The following GALNTL6 variants were observed in gnomAD, a reference collection of about 807,000 sequenced individuals.
GALNTL6 encodes polypeptide N-acetylgalactosaminyltransferase-like 6.
GALNTL6 carries 46 observed loss-of-function variants against 73.7 expected under a neutral mutation model. The observed-to-expected ratio is 0.62, with a 90% confidence interval of 0.49 to 0.80. The LOEUF (loss-of-function observed/expected upper bound fraction) is 0.80. Ranked by LOEUF, GALNTL6 falls within the 30% of genes least tolerant of loss-of-function variation. The probability of loss-of-function intolerance (pLI) is 0.00; values close to 1 mark genes in which losing one functional copy is unlikely to be tolerated. For missense variants in GALNTL6, 604 were observed against 755.0 expected (o/e 0.80, Z 2.34); for synonymous variants, 259 against 263.7 (o/e 0.98, Z 0.17).
chr4:172,332,601 C>T (rs1383132523), intron 4 of GALNTL6, among the ~76,000 whole-genome samples: 2 of 151,820 alleles, frequency 1.3e-5, no homozygotes, highest in African/African-American at 2.4e-5. Context: ...TAATGACCTT[C>T]AGTTTTATCT....
chr4:172,779,431 G>A (rs1739260291), intron 5 of GALNTL6, among the ~76,000 whole-genome samples: 1 of 152,136 alleles, frequency 6.6e-6, no homozygotes, highest in Admixed American at 6.5e-5. Flanking sequence ...GGGTTCTGCC[G>A]ATCTGACAGT....
intron 2 of GALNTL6, among the ~76,000 whole-genome samples, chr4:171,993,827 G>A (rs1740410336): frequency 6.6e-6 from 1 of 151,572 alleles, no homozygotes; most frequent in African/African-American, 2.4e-5. Flanking sequence ...TATATGTAAT[G>A]TAAAGACATT....
intron 7 of GALNTL6, among the ~76,000 whole-genome samples, chr4:172,867,964 C>CT (rs1448843658): frequency 2.0e-5 from 3 of 152,182 alleles, no homozygotes; most frequent in Non-Finnish European, 2.9e-5. Flanking sequence ...GAGGAGAGTC[C>CT]TCTCTTGCAC....
intron 5 of GALNTL6, among the ~76,000 whole-genome samples, chr4:172,761,606 T>C (rs1363051455): frequency 6.6e-6 from 1 of 151,990 alleles, no homozygotes; most frequent in Non-Finnish European, 1.5e-5. Flanking sequence ...ATTCTAGTGA[T>C]AGTGAATGAG....
chr4:172,423,648 T>C (rs1385952943), intron 5 of GALNTL6, among the ~76,000 whole-genome samples: 1 of 152,134 alleles, frequency 6.6e-6, no homozygotes, highest in East Asian at 1.9e-4. Context: ...TATCATTGCC[T>C]AATATATCAT....
chr4:172,925,176 T>G (rs905234800), intron 8 of GALNTL6, among the ~76,000 whole-genome samples: 1 of 113,396 alleles, frequency 8.8e-6, no homozygotes, highest in South Asian at 2.7e-4. Context: ...CAGGCTTATG[T>G]TTTTTTTTTT....
At chr4:171,954,587 T>A (rs1417811587) in intron 2 of GALNTL6, among the ~76,000 whole-genome samples, 1 of 152,208 alleles carries the variant, frequency 6.6e-6, no homozygotes, top group South Asian at 2.1e-4. Flanking sequence ...ACATACATAT[T>A]TGTGAAACAA....
intron 5 of GALNTL6, among the ~76,000 whole-genome samples, chr4:172,650,490 A>G (rs372069722): frequency 6.6e-6 from 1 of 152,212 alleles, no homozygotes; most frequent in Non-Finnish European, 1.5e-5. Context: ...TCTACTTAGC[A>G]TTAGTGAGAT....
chr4:172,021,966 C>T (rs1209227664), intron 2 of GALNTL6, among the ~76,000 whole-genome samples: 1 of 151,882 alleles, frequency 6.6e-6, no homozygotes, highest in Non-Finnish European at 1.5e-5. Flanking sequence ...AATCTAAGAC[C>T]TCAAAGTATG....
intron 2 of GALNTL6, among the ~76,000 whole-genome samples, chr4:171,948,424 G>A (rs542810852): frequency 4.5e-4 from 68 of 152,262 alleles, no homozygotes; most frequent in African/African-American, 1.2e-3. Flanking sequence ...TACCATGTGC[G>A]TAAATAAAGC....
At chr4:172,033,948 A>T (rs1053711162) in intron 2 of GALNTL6, among the ~76,000 whole-genome samples, 1 of 152,172 alleles carries the variant, frequency 6.6e-6, no homozygotes, top group Non-Finnish European at 1.5e-5. Flanking sequence ...CTAATTGCTC[A>T]GGGCTGCCAA....
At chr4:172,025,317 C>T (rs757136307) in intron 2 of GALNTL6, among the ~76,000 whole-genome samples, 18 of 152,034 alleles carry the variant, frequency 1.2e-4, no homozygotes, top group Middle Eastern at 3.4e-3. Context: ...TACGGCACCT[C>T]GCATAAAATC....
intron 11 of GALNTL6, among the ~76,000 whole-genome samples, chr4:173,009,919 T>C (rs1283616575): frequency 6.6e-6 from 1 of 152,236 alleles, no homozygotes; most frequent in African/African-American, 2.4e-5. Context: ...ATGAAATGTT[T>C]TGATACAGTC....
chr4:172,810,601 G>T (rs190688460), intron 6 of GALNTL6, among the ~76,000 whole-genome samples: 12 of 152,230 alleles, frequency 7.9e-5, no homozygotes, highest in Admixed American at 2.0e-4. Flanking sequence ...TGTGAGGCGG[G>T]GGGGCGGGGA....
At chr4:172,999,473 G>A (rs549726120) in intron 10 of GALNTL6, among the ~76,000 whole-genome samples, 1 of 151,992 alleles carries the variant, frequency 6.6e-6, no homozygotes, top group Non-Finnish European at 1.5e-5. Context: ...ATATCTACAG[G>A]GTCCATCTTG....
chr4:172,164,542 A>G (rs1021970206), intron 2 of GALNTL6, among the ~76,000 whole-genome samples: 1 of 151,998 alleles, frequency 6.6e-6, no homozygotes, highest in Non-Finnish European at 1.5e-5. Context: ...CTACTTTTCA[A>G]GTTTACTATC....
chr4:172,163,951 C>T (rs1734547507), intron 2 of GALNTL6, among the ~76,000 whole-genome samples: 1 of 151,760 alleles, frequency 6.6e-6, no homozygotes, highest in Non-Finnish European at 1.5e-5. Context: ...GCCTGATCTA[C>T]TCATATTAAT....
chr4:172,358,901 A>G lies in GALNTL6; in HGVS notation c.553+10212A>G, dbSNP rs540360350. 2.0e-5 allele frequency among the ~76,000 whole-genome samples: 3 copies of G among 151,326 alleles called. No individual in the cohort carries two copies. The South Asian group carries it at 6.3e-4, about 32-fold the overall frequency. Reference sequence around the variant, plus strand: ...AAAAAAACAGAGGCTGGTGAGGTTCAGAGAAAAGAGAGCACTTATACACTA... The same window carrying G: ...AAAAAAACAGAGGCTGGTGAGGTTCGGAGAAAAGAGAGCACTTATACACTA... On this transcript the variant is annotated intron_variant, in intron 5 of 12. Coordinates refer to ENST00000506823, the MANE Select transcript of GALNTL6 (RefSeq NM_001034845.3).
At chr4:172,670,193 G>A (rs1007637540) in intron 5 of GALNTL6, among the ~76,000 whole-genome samples, 1 of 152,140 alleles carries the variant, frequency 6.6e-6, no homozygotes, top group African/African-American at 2.4e-5. Context: ...TGGGTCAAAT[G>A]CCATTTCTCA....
Sources: gnomAD v4.1 joint callset for allele counts (sites outside exome capture counted in the v4.1 genomes callset) on GRCh38, gnomAD v4.1.1 for gene constraint, MANE v1.5 for transcripts, NCBI Gene and HGNC (gene_info 2026-07-23, HGNC 2026-07-21) for gene names.